FUS: variants seen among roughly 807,000 people sequenced by gnomAD.
FUS encodes RNA-binding protein FUS.
In FUS, 5 loss-of-function variants were observed where a neutral mutation model predicts 82.7. The ratio of observed to expected loss-of-function variants is 0.06; its 90% confidence interval spans 0.03 to 0.13. The LOEUF is 0.13. Among genes scored for constraint, FUS ranks in the 10% least tolerant of loss-of-function variants. The pLI, the probability that FUS is intolerant of heterozygous loss-of-function variation, is 1.00. For missense variants in FUS, 512 were observed against 707.8 expected, an observed-to-expected ratio of 0.72 and a Z score of 3.14; for synonymous variants, 281 against 247.4, an observed-to-expected ratio of 1.14 and a Z score of -1.27.
downstream of FUS, chr16:31,191,654 A>G (rs1442712167): frequency 1.4e-6 from 1 of 703,632 alleles, no homozygotes; most frequent in Non-Finnish European, 2.6e-6. Flanking sequence ...CGATGTCCCG[A>G]TCAGGAAGGT....
rs1361247352 is a variant in FUS at position 31,184,415 on chromosome 16, T to G, written c.523+19T>G. 5 of 1,601,680 alleles carry G rather than the reference T, an allele frequency of 3.1e-6. No individual in the cohort carries two copies. The highest frequency in any genetic ancestry group is 4.3e-6 in the Non-Finnish European group (5 of 1,170,666). ...GGTGGAGGTGAGATGTCTTCAGCTTTGTCTGCAGCCCATTTTCTTTTTCTT... is the reference window on the plus strand; with the variant it reads ...GGTGGAGGTGAGATGTCTTCAGCTTGGTCTGCAGCCCATTTTCTTTTTCTT... On this transcript the variant is annotated intron_variant, in intron 5 of 14. Coordinates refer to ENST00000254108, the MANE Select transcript of FUS (RefSeq NM_004960.4).
At chr16:31,190,924 G>C (rs376132274) in intron 13 of FUS, 39 bp from the exon 14 acceptor site, 4 of 1,612,188 alleles carry the variant, frequency 2.5e-6, no homozygotes, top group Non-Finnish European at 2.5e-6. Context: ...GGAACATAGG[G>C]GAATGGGAAT....
At chr16:31,191,740 T>C (rs1430580089), downstream of FUS, 13 of 640,280 alleles carry the variant, frequency 2.0e-5, no homozygotes, top group Middle Eastern at 4.1e-4. Flanking sequence ...CCAAATGATA[T>C]CCTTGAGAGC....
chr16:31,184,150 G>C lies in FUS; in HGVS notation c.336-59G>C, dbSNP rs2079223398. The stretch of plus-strand genomic sequence containing the variant: ...ACAGAGAATGGACTCCACTAAAAGT[G>C]AAAGGAAATTGGGGGCTATGCTGGG... On this transcript the variant is annotated intron_variant, in intron 4 of 14. Coordinates refer to ENST00000254108, the MANE Select transcript of FUS (RefSeq NM_004960.4). 16 of 1,613,890 alleles carry C rather than the reference G, an allele frequency of 9.9e-6. 1 individual carries two copies. Among genetic ancestry groups the C allele is most frequent in the Admixed American group, 3.3e-5 (2 of 59,998 alleles).
chr16:31,187,719 A>G (rs1011816308), intron 7 of FUS: 2 of 234,562 alleles, frequency 8.5e-6, no homozygotes, highest in African/African-American at 4.4e-5. Flanking sequence ...GAAAAACAAA[A>G]TAGAGGCTGC....
intron 14 of FUS, 130 bp downstream of exon 14, chr16:31,191,240 A>C: frequency 6.8e-7 from 1 of 1,476,528 alleles, no homozygotes; most frequent in Non-Finnish European, 9.4e-7. Context: ...CCAGTAGTGG[A>C]GAGGGAAGGA....
chr16:31,185,190 C>T lies in FUS; in HGVS notation c.764+11C>T, dbSNP rs2079249542. 2.5e-6 allele frequency: 4 copies of T among 1,602,924 alleles called. No homozygotes were observed. Among genetic ancestry groups the T allele is most frequent in the Non-Finnish European group, 3.4e-6 (4 of 1,174,038 alleles). On this transcript the variant is annotated intron_variant, in intron 6 of 14. Coordinates refer to ENST00000254108, the MANE Select transcript of FUS (RefSeq NM_004960.4). ...CAGAGGTGGCATGGGGTAGGTGTCT[C>T]ATGAGCCAGGGAGTATCTTTGGTGG...
rs184847010 is a variant in FUS, at chr16:31,189,925, T to C, written c.1067-115T>C. On this transcript the variant is annotated intron_variant, in intron 10 of 14. Coordinates refer to ENST00000254108, the MANE Select transcript of FUS (RefSeq NM_004960.4). ...TTAGCTGCGGTTTCAGGTAGTCTCA[T>C]TTTTGCTTATGTGTCAGCAGATTAT... 3.1e-5 allele frequency: 49 copies of C among 1,574,310 alleles called. 1 individual carries two copies. In the Admixed American group the frequency reaches 3.6e-4, roughly 12 times the overall value.
At position 31,190,086 on chromosome 16, in the gene FUS, C is replaced by T; in HGVS notation, c.1113C>T (p.Arg371=). 3 of 1,614,072 alleles carry T rather than the reference C, an allele frequency of 1.9e-6. No homozygotes were observed. Among genetic ancestry groups the T allele is most frequent in the Non-Finnish European group, 2.5e-6 (3 of 1,179,984 alleles). Residue 371 remains arginine (R), a synonymous_variant, in exon 11 of 15, where the codon CGC becomes CGT. Coordinates refer to ENST00000254108, the MANE Select transcript of FUS (RefSeq NM_004960.4). ...CTATCAAGGTCTCATTTGCTACTCG[C>T]CGGGCAGACTTTAATCGGGGTGGTG... is the stretch of plus-strand genomic sequence containing the variant. The part of the protein sequence containing the change: ...GNPIKVSFAT[R]RADFNRGGGN...
chr16:31,185,474 AG>A (rs1416784722), intron 6 of FUS: 5 of 635,272 alleles, frequency 7.9e-6, no homozygotes, highest in Admixed American at 2.1e-5. Flanking sequence ...TTAATATCCT[AG>A]GCAAGAAACA....
chr16:31,183,568 T>G (rs1192021965), intron 3 of FUS: 3 of 450,732 alleles, frequency 6.7e-6, no homozygotes, highest in African/African-American at 2.0e-5. Flanking sequence ...AGCTGCATAT[T>G]ACAGTGCTGT....
chr16:31,194,294 A>ATT (rs375892764), downstream of FUS: 1,218 of 479,528 alleles, frequency 2.5e-3, no homozygotes, highest in Middle Eastern at 5.4e-3. Context: ...TCCTTTTTAA[A>ATT]TTTTTTTTTT....
At position 31,183,852 on chromosome 16, in the gene FUS, T is replaced by G. The variant is rs768460783; in HGVS notation, c.191-6T>G. 1 of 1,614,234 alleles carries G rather than the reference T, an allele frequency of 6.2e-7. No homozygotes were observed. Among genetic ancestry groups the G allele is most frequent in the South Asian group, 1.1e-5 (1 of 91,092 alleles). ...TTTTGTGACTCCCTTTTTCTTATCC[T>G]GGTAGCAGGCTATGGAACTCAGTCA... is the stretch of plus-strand genomic sequence containing the variant. On this transcript the variant is annotated splice_polypyrimidine_tract_variant and splice_region_variant and intron_variant, in intron 3 of 14. Transcript: ENST00000254108.
rs929867 is a variant in FUS at position 31,180,161 on chromosome 16, A to G, written c.-54A>G. On this transcript the variant is annotated 5_prime_UTR_variant, in exon 1 of 15. Coordinates refer to ENST00000254108, the MANE Select transcript of FUS (RefSeq NM_004960.4). ...GCTGCTCAGTCCTCCAGGCGTCGGT[A>G]CTCAGCGGTGTTGGAACTTCGTTGC... 0.99 allele frequency: 1,584,120 copies of G among 1,599,102 alleles called. 785,741 individuals carry two copies. Among genetic ancestry groups the G allele is most frequent in the East Asian group, 1 (44,198 of 44,198 alleles).
At chr16:31,193,150 C>G (rs1436186481), downstream of FUS, 2 of 486,396 alleles carry the variant, frequency 4.1e-6, no homozygotes, top group South Asian at 3.1e-5. Context: ...CCATGTTGGT[C>G]AGGCTGGTCT....
At chr16:31,183,672 A>G (rs951488952) in intron 3 of FUS, 186 bp from the exon 4 acceptor site, 2 of 690,262 alleles carry the variant, frequency 2.9e-6, no homozygotes, top group South Asian at 1.6e-5. Context: ...AAGAGTTGGT[A>G]GAAGTTGAAG....
In FUS at chr16:31,188,078, G is replaced by T. The variant is rs2550045; in HGVS notation, c.800-247G>T. The T allele has an allele frequency of 1, 569,092 of 569,176 alleles. 284,504 individuals are homozygous for T. The highest frequency in any genetic ancestry group is 1 in the Middle Eastern group (2,118 of 2,118). 35.3% of individuals were successfully genotyped at this position (569,176 alleles called of 1,614,324 possible). ...GCCTGAGCTGGGGGAGGCAGCATTTGCTGAAGTGTGGAGTTGTCTCTGTGG... is the reference window on the plus strand; with the variant it reads ...GCCTGAGCTGGGGGAGGCAGCATTTTCTGAAGTGTGGAGTTGTCTCTGTGG... On this transcript the variant is annotated intron_variant, in intron 7 of 14. Transcript: ENST00000254108.
downstream of FUS, chr16:31,194,698 A>T: frequency 2.1e-6 from 1 of 486,852 alleles, no homozygotes; most frequent in Non-Finnish European, 4.1e-6. Context: ...AATCAGGCTA[A>T]TATATCCATC....
rs777116232 is a variant in FUS at position 31,180,139 on chromosome 16, G to A, written c.-76G>A. ...AAGCTTCGACGCAGGAGGCGGGGCT[G>A]CTCAGTCCTCCAGGCGTCGGTACTC... On this transcript the variant is annotated 5_prime_UTR_variant, in exon 1 of 15. Transcript: ENST00000254108. 8 of 1,574,370 alleles carry A rather than the reference G, an allele frequency of 5.1e-6. No individual in the cohort carries two copies. Among genetic ancestry groups the A allele is most frequent in the East Asian group, 2.3e-5 (1 of 43,168 alleles).
Sources: allele counts gnomAD v4.1 joint callset, GRCh38; gene constraint gnomAD v4.1.1; transcripts MANE v1.5; gene names NCBI Gene and HGNC (gene_info 2026-07-23, HGNC 2026-07-21).